Variants in LINGO2 observed in about 807,000 individuals in gnomAD.
The protein encoded by LINGO2 is leucine-rich repeat and immunoglobulin-like domain-containing nogo receptor-interacting protein 2.
In LINGO2, 14 loss-of-function variants were observed where a neutral mutation model predicts 30.6. The ratio of observed to expected loss-of-function variants is 0.46; its 90% CI spans 0.30 to 0.72. The LOEUF is 0.72. LINGO2 is among the 30% of genes least tolerant of loss of function. The pLI, the probability that LINGO2 is intolerant of heterozygous loss-of-function variation, is 0.07. For synonymous variants in LINGO2, 317 were observed against 288.5 expected, an observed-to-expected ratio of 1.10 and a Z score of -1.00; for missense variants, 729 against 751.7, an observed-to-expected ratio of 0.97 and a Z score of 0.35.
chr9:28,028,516 A>G (rs988715737), intron 4 of LINGO2, among the ~76,000 whole-genome samples: 4 of 152,162 alleles, frequency 2.6e-5, no homozygotes, highest in African/African-American at 9.7e-5. Context: ...GATTATAACA[A>G]TATACATAAT....
the LINGO2 span, among the ~76,000 whole-genome samples, chr9:29,043,438 G>T: frequency 1.3e-5 from 2 of 151,966 alleles, no homozygotes; most frequent in African/African-American, 4.8e-5. Flanking sequence ...AATCGAAAAA[G>T]CTGAGTCAGT....
At chr9:28,884,837 G>GTA in the LINGO2 span, among the ~76,000 whole-genome samples, 2 of 134,854 alleles carry the variant, frequency 1.5e-5, no homozygotes, top group Non-Finnish European at 3.1e-5. Flanking sequence ...TTTAGCAATT[G>GTA]TATATATATA....
rs1564250916 is a variant in LINGO2, at chr9:28,506,521, T to TAA, written c.-364-30498_-364-30497dup. 1.8e-3 allele frequency among the ~76,000 whole-genome samples: 233 copies of TAA among 131,208 alleles called. 8 individuals are homozygous for TAA. The highest frequency in any genetic ancestry group is 6.2e-3 in the African/African-American group (222 of 36,084). 86.1% of individuals were successfully genotyped at this position (131,208 alleles called of 152,430 possible). A position where few individuals can be genotyped will look rare whatever the true frequency, so the allele number is the denominator to read the frequency against. ...ACACACAGACATATATATATATATA[T>TAA]AAACTGTTGGGGACTAAGTGCCCTC... is the stretch of plus-strand genomic sequence containing the variant. On this transcript the variant is annotated intron_variant, in intron 1 of 5. Transcript: ENST00000379992.
chr9:28,650,996 C>A (rs1828074252), intron 1 of LINGO2, among the ~76,000 whole-genome samples: 2 of 151,966 alleles, frequency 1.3e-5, no homozygotes, highest in African/African-American at 4.8e-5. Context: ...CGAGACCATC[C>A]TGGCTAACAC....
intron 4 of LINGO2, chr9:28,080,792 G>T (rs1035788622): frequency 6.6e-6 from 1 of 152,094 alleles, no homozygotes; most frequent in Non-Finnish European, 1.5e-5. Flanking sequence ...TAAAGTGTAG[G>T]TTCTTAAATT....
chr9:29,152,022 T>C, the LINGO2 span, among the ~76,000 whole-genome samples: 2 of 152,166 alleles, frequency 1.3e-5, no homozygotes, highest in African/African-American at 4.8e-5. Flanking sequence ...CAGATACTTC[T>C]GAAAAGAAGA....
At chr9:28,255,409 C>G (rs914934947) in intron 4 of LINGO2, among the ~76,000 whole-genome samples, 4 of 152,024 alleles carry the variant, frequency 2.6e-5, no homozygotes, top group Admixed American at 2.6e-4. Flanking sequence ...GTCAGACTTG[C>G]TAGGCTTGAA....
chr9:27,969,586 A>G (rs1820259282), intron 5 of LINGO2, among the ~76,000 whole-genome samples: 5 of 152,160 alleles, frequency 3.3e-5, no homozygotes, highest in Admixed American at 3.3e-4. Flanking sequence ...TTTTGTAGAT[A>G]AGAAAAGTGA....
At chr9:28,348,984 CA>C (rs1192962451) in intron 3 of LINGO2, among the ~76,000 whole-genome samples, 1 of 150,226 alleles carries the variant, frequency 6.7e-6, no homozygotes, top group Non-Finnish European at 1.5e-5. Context: ...ACATCCACAC[CA>C]AAAACCCATC....
chr9:28,993,421 G>C, the LINGO2 span, among the ~76,000 whole-genome samples: 7 of 152,096 alleles, frequency 4.6e-5, no homozygotes, highest in Non-Finnish European at 1.0e-4. Context: ...AATCATAGCC[G>C]AATTCTACCA....
chr9:28,315,165 G>C (rs1824793832), intron 3 of LINGO2, among the ~76,000 whole-genome samples: 1 of 152,052 alleles, frequency 6.6e-6, no homozygotes, highest in Non-Finnish European at 1.5e-5. Flanking sequence ...AGCACTCTGG[G>C]AAGCTGAGGC....
At chr9:28,200,522 T>C (rs1390876910) in intron 4 of LINGO2, among the ~76,000 whole-genome samples, 1 of 152,176 alleles carries the variant, frequency 6.6e-6, no homozygotes, top group Non-Finnish European at 1.5e-5. Flanking sequence ...AAATAACCAT[T>C]TACATATGGC....
chr9:28,552,235 G>T (rs1283829013), intron 1 of LINGO2, among the ~76,000 whole-genome samples: 1 of 151,910 alleles, frequency 6.6e-6, no homozygotes, highest in Non-Finnish European at 1.5e-5. Context: ...CCTTGTGATG[G>T]GTGATTCCCT....
chr9:28,165,637 C>T (rs1446886316), intron 4 of LINGO2, among the ~76,000 whole-genome samples: 2 of 152,098 alleles, frequency 1.3e-5, no homozygotes, highest in Admixed American at 6.5e-5. Context: ...TTGTGGTTTT[C>T]GTCATAATTG....
chr9:28,450,553 T>C (rs1312845682), intron 2 of LINGO2, among the ~76,000 whole-genome samples: 4 of 151,946 alleles, frequency 2.6e-5, no homozygotes, highest in African/African-American at 7.2e-5. Flanking sequence ...ACTTTGAGGC[T>C]CAGAAAATGA....
In LINGO2 at chr9:28,670,270, C is replaced by T. The variant is rs1261329703; in HGVS notation, c.-435G>A. On this transcript the variant is annotated 5_prime_UTR_variant, in exon 1 of 6. It adds an upstream start codon to the 5' untranslated region. Transcript: ENST00000379992. ...CTCATGATACAGCTTTCTGATGGCA[C>T]TCATCAATTCCTACAAATAACAAGA... The T allele has an allele frequency of 7.9e-5, 12 of 152,022 alleles. No individual in the cohort carries two copies. Among genetic ancestry groups the T allele is most frequent in the African/African-American group, 2.4e-4 (10 of 41,414 alleles). 9.4% of individuals were successfully genotyped at this position (152,022 alleles called of 1,614,324 possible). A position where few individuals can be genotyped will look rare whatever the true frequency, so the allele number is the denominator to read the frequency against.
At position 28,632,850 on chromosome 9, in the gene LINGO2, TA is replaced by T. The variant is rs1373498070; in HGVS notation, c.-365+37349del. Among the ~76,000 whole-genome samples, 438 of 88,906 alleles carry T rather than the reference TA, an allele frequency of 4.9e-3. 17 individuals carry two copies. Among genetic ancestry groups the T allele is most frequent in the African/African-American group, 0.028 (385 of 13,922 alleles). 58.3% of individuals were successfully genotyped at this position (88,906 alleles called of 152,430 possible). A position where few individuals can be genotyped will look rare whatever the true frequency, so the allele number is the denominator to read the frequency against. On this transcript the variant is annotated intron_variant, in intron 1 of 5. Coordinates refer to ENST00000379992, the Ensembl canonical transcript of LINGO2. ...TATATTATATATATAAATCTATATA[TA>T]TTTTTTATATATATATATATATATA... is the stretch of plus-strand genomic sequence containing the variant.
intron 1 of LINGO2, among the ~76,000 whole-genome samples, chr9:28,522,944 AAC>A (rs1343522010): frequency 6.6e-6 from 1 of 152,088 alleles, no homozygotes; most frequent in African/African-American, 2.4e-5. Context: ...CACAGGGAGA[AAC>A]AGAGTAAGGA....
chr9:28,877,080 C>T, the LINGO2 span, among the ~76,000 whole-genome samples: 1 of 150,000 alleles, frequency 6.7e-6, no homozygotes, highest in African/African-American at 2.5e-5. Context: ...TGTCCTTCAC[C>T]CACTTTTTGA....
Sources: allele counts gnomAD v4.1 joint callset (sites outside exome capture counted in the v4.1 genomes callset), GRCh38; gene constraint gnomAD v4.1.1; transcripts MANE v1.5; gene names NCBI Gene and HGNC (gene_info 2026-07-23, HGNC 2026-07-21).